The following NFIA variants were observed in gnomAD, a reference collection of about 807,000 sequenced individuals.
NFIA encodes the protein nuclear factor I A.
Under a neutral mutation model 62.8 loss-of-function variants are expected in NFIA, and 8 were observed. The observed-to-expected ratio is 0.13, with a 90% CI of 0.07 to 0.23. NFIA has a LOEUF of 0.23. Ranked by LOEUF, NFIA falls within the 10% of genes least tolerant of loss-of-function variation. The pLI, the probability that NFIA is intolerant of heterozygous loss-of-function variation, is 1.00. For synonymous variants in NFIA, 235 were observed against 238.1 expected (o/e 0.99, Z 0.12); for missense variants, 410 against 642.1 (o/e 0.64, Z 3.91).
chr1:61,383,709 C>T (rs1257357461), intron 7 of NFIA, among the ~76,000 whole-genome samples: 5 of 151,810 alleles, frequency 3.3e-5, no homozygotes, highest in African/African-American at 7.2e-5. Flanking sequence ...TGTGTGTGTG[C>T]GCACATGCGC....
chr1:61,304,798 G>A (rs1043178042), intron 3 of NFIA, among the ~76,000 whole-genome samples: 2 of 152,078 alleles, frequency 1.3e-5, no homozygotes, highest in African/African-American at 4.8e-5. Flanking sequence ...ACAATAACGT[G>A]GCACCACCTT....
At chr1:61,283,594 A>AAAAAAAAAAAAAAAAAAAAAAAG in intron 3 of NFIA, among the ~76,000 whole-genome samples, 1 of 110,010 alleles carries the variant, frequency 9.1e-6, no homozygotes, top group Non-Finnish European at 1.9e-5. Context: ...AAAAAAAAAA[A>AAAAAAAAAAAAAAAAAAAAAAAG]AAAAAAAAAA....
At chr1:61,097,068 T>A (rs1031533223) in intron 2 of NFIA, among the ~76,000 whole-genome samples, 4 of 152,202 alleles carry the variant, frequency 2.6e-5, no homozygotes, top group Non-Finnish European at 5.9e-5. Flanking sequence ...GAAATATTAA[T>A]GAATCTTAAA....
At chr1:61,083,267 G>C (rs1453894644) in intron 1 of NFIA, among the ~76,000 whole-genome samples, 1 of 152,090 alleles carries the variant, frequency 6.6e-6, no homozygotes, top group African/African-American at 2.4e-5. Context: ...GGCCGCCGAC[G>C]GAGCCCACCG....
At chr1:61,309,836 C>T (rs1479486130) in intron 3 of NFIA, among the ~76,000 whole-genome samples, 4 of 152,168 alleles carry the variant, frequency 2.6e-5, no homozygotes, top group Admixed American at 2.6e-4. Context: ...TTGCAGTGAG[C>T]CGAGATTGCA....
intron 9 of NFIA, among the ~76,000 whole-genome samples, chr1:61,407,472 T>C (rs1190940226): frequency 6.6e-6 from 1 of 152,210 alleles, no homozygotes; most frequent in Non-Finnish European, 1.5e-5. Context: ...TTCCCTGATG[T>C]TTTAGATATG....
chr1:61,327,922 T>G (rs1204081172), intron 3 of NFIA, among the ~76,000 whole-genome samples: 1 of 152,018 alleles, frequency 6.6e-6, no homozygotes, highest in Non-Finnish European at 1.5e-5. Flanking sequence ...CAATATCTAT[T>G]ATTTTTTTTT....
chr1:61,265,608 T>C (rs957945115), intron 2 of NFIA, among the ~76,000 whole-genome samples: 2 of 152,202 alleles, frequency 1.3e-5, no homozygotes, highest in African/African-American at 2.4e-5. Context: ...AGAAAAGTTA[T>C]TGTCAATGTG....
intron 2 of NFIA, among the ~76,000 whole-genome samples, chr1:61,184,056 G>A (rs191226163): frequency 1.5e-3 from 218 of 148,914 alleles, no homozygotes; most frequent in African/African-American, 5.0e-3. Flanking sequence ...AAATTGAGCC[G>A]GAGAAGCAAG....
intron 7 of NFIA, among the ~76,000 whole-genome samples, chr1:61,403,751 G>A (rs1281019586): frequency 6.6e-6 from 1 of 152,208 alleles, no homozygotes; most frequent in African/African-American, 2.4e-5. Flanking sequence ...CATATGTAAT[G>A]TCAGTTAAGT....
chr1:61,406,261 A>C (rs146923368), intron 8 of NFIA, among the ~76,000 whole-genome samples: 1 of 152,180 alleles, frequency 6.6e-6, no homozygotes, highest in African/African-American at 2.4e-5. Flanking sequence ...GACAAATCCA[A>C]AGTGATAATT....
intron 10 of NFIA, among the ~76,000 whole-genome samples, chr1:61,434,968 G>T (rs1667264284): frequency 6.6e-6 from 1 of 152,198 alleles, no homozygotes; most frequent in South Asian, 2.1e-4. Flanking sequence ...GGAGTTGTGA[G>T]TTGGTGGACA....
upstream of NFIA, chr1:61,082,367 A>AC (rs1225015901): frequency 5.9e-6 from 3 of 510,792 alleles, no homozygotes; most frequent in Non-Finnish European, 7.4e-6. Context: ...CCTCCCCCAC[A>AC]CCCCCTCCCC....
At chr1:61,262,450 A>C (rs1229216472) in intron 2 of NFIA, among the ~76,000 whole-genome samples, 1 of 152,248 alleles carries the variant, frequency 6.6e-6, no homozygotes, top group Non-Finnish European at 1.5e-5. Context: ...AAATCTAAAC[A>C]TGTCCTTAAC....
At chr1:61,350,453 A>T (rs1416362366) in intron 4 of NFIA, among the ~76,000 whole-genome samples, 2 of 152,146 alleles carry the variant, frequency 1.3e-5, no homozygotes, top group Non-Finnish European at 2.9e-5. Flanking sequence ...CATTATGGTA[A>T]GGACCCATCT....
chr1:61,200,003 T>C (rs1474248866), intron 2 of NFIA, among the ~76,000 whole-genome samples: 1 of 68,592 alleles, frequency 1.5e-5, no homozygotes, highest in Non-Finnish European at 2.8e-5. Context: ...TCACAAAATA[T>C]ATATATGTAT....
chr1:61,437,150 A>G (rs554507858), intron 10 of NFIA, among the ~76,000 whole-genome samples: 7 of 152,308 alleles, frequency 4.6e-5, no homozygotes, highest in African/African-American at 1.2e-4. Flanking sequence ...GGGCTGGACT[A>G]TGCTGCATAT....
At chr1:61,414,383 A>G (rs1480630357) in intron 9 of NFIA, among the ~76,000 whole-genome samples, 1 of 152,248 alleles carries the variant, frequency 6.6e-6, no homozygotes, top group Non-Finnish European at 1.5e-5. Flanking sequence ...AAGACAAGGT[A>G]TGGAAAGATA....
At chr1:61,083,823 G>A (rs907596024) in intron 1 of NFIA, among the ~76,000 whole-genome samples, 2 of 151,788 alleles carry the variant, frequency 1.3e-5, no homozygotes, top group Non-Finnish European at 2.9e-5. Flanking sequence ...CGCGCAGGAC[G>A]GGGGCAACTT....
Sources: gnomAD v4.1 joint callset for allele counts (sites outside exome capture counted in the v4.1 genomes callset) on GRCh38, gnomAD v4.1.1 for gene constraint, MANE v1.5 for transcripts, NCBI Gene and HGNC (gene_info 2026-07-23, HGNC 2026-07-21) for gene names.